SMG7: variants seen among roughly 807,000 people sequenced by gnomAD.
The protein encoded by SMG7 is nonsense-mediated mRNA decay factor SMG7.
In SMG7, 34 loss-of-function variants were observed where a neutral mutation model predicts 148.2. That is an observed-to-expected ratio of 0.23 (90% CI 0.17 to 0.31). The LOEUF (loss-of-function observed/expected upper bound fraction) is 0.31, where lower values mean the gene tolerates loss of function less well. Among genes scored for constraint, SMG7 ranks in the 10% least tolerant of loss-of-function variants. The pLI, the probability that SMG7 is intolerant of heterozygous loss-of-function variation, is 1.00. For missense variants in SMG7, 1,114 were observed against 1,408.4 expected, an observed-to-expected ratio of 0.79 and a Z score of 3.35; for synonymous variants, 492 against 515.1, an observed-to-expected ratio of 0.96 and a Z score of 0.61.
At position 183,553,208 on chromosome 1, in the gene SMG7, T is replaced by C. The variant is rs780571212; in HGVS notation, c.*1277T>C. On this transcript the variant is annotated 3_prime_UTR_variant, in exon 23 of 23. Transcript: ENST00000688051. ...ACGAAAGAAAGGAAAATAAACTCTT[T>C]GTATGATATTTATTAGGAGGAAAGA... is the stretch of plus-strand genomic sequence containing the variant. The C allele has an allele frequency of 1.9e-5, 29 of 1,529,682 alleles. No individual in the cohort carries two copies. The African/African-American group carries it at 2.1e-4, about 11-fold the overall frequency. 94.8% of individuals were successfully genotyped at this position (1,529,682 alleles called of 1,614,324 possible). A position where few individuals can be genotyped will look rare whatever the true frequency, so the allele number is the denominator to read the frequency against.
chr1:183,492,990 G>A (rs1657442697), intron 1 of SMG7, among the ~76,000 whole-genome samples: 1 of 151,972 alleles, frequency 6.6e-6, no homozygotes, highest in South Asian at 2.1e-4. Context: ...TGTTTTTAGA[G>A]ACACGATCTC....
chr1:183,552,842 T>G lies in SMG7; in HGVS notation c.*911T>G. ...AGGTAGAAGCTTTCAGTGTGGTTAT[T>G]TTTTCTTTGGTTGGTTTTTGTGCCC... On this transcript the variant is annotated 3_prime_UTR_variant, in exon 23 of 23. Coordinates refer to ENST00000688051, the MANE Select transcript of SMG7 (RefSeq NM_001375584.1). 7.0e-7 allele frequency: 1 copy of G among 1,433,500 alleles called. No individual in the cohort carries two copies. The highest frequency in any genetic ancestry group is 1.4e-5 in the African/African-American group (1 of 69,832). 88.8% of individuals were successfully genotyped at this position (1,433,500 alleles called of 1,614,324 possible).
chr1:183,518,959 A>G (rs1021868042), intron 4 of SMG7, among the ~76,000 whole-genome samples: 4 of 152,184 alleles, frequency 2.6e-5, no homozygotes, highest in African/African-American at 9.7e-5. Flanking sequence ...AAGAGAAAAG[A>G]ATCTCTGCTG....
chr1:183,523,975 A>G (rs765072068), intron 4 of SMG7, among the ~76,000 whole-genome samples: 1 of 149,348 alleles, frequency 6.7e-6, no homozygotes, highest in East Asian at 1.9e-4. Flanking sequence ...ACATATATAT[A>G]TTTTTTTTGT....
At chr1:183,518,183 A>G (rs775451669) in intron 4 of SMG7, among the ~76,000 whole-genome samples, 12 of 152,060 alleles carry the variant, frequency 7.9e-5, no homozygotes, top group Non-Finnish European at 1.3e-4. Context: ...CCTGGGCTCA[A>G]GTGATCCGCC....
chr1:183,514,356 T>C (rs1169133955), intron 2 of SMG7, among the ~76,000 whole-genome samples: 1 of 152,206 alleles, frequency 6.6e-6, no homozygotes, highest in African/African-American at 2.4e-5. Context: ...TCGTGTCATC[T>C]TGTTCAAGGA....
In SMG7 at chr1:183,526,154, A is replaced by T. The variant is rs998269982; in HGVS notation, c.313-442A>T. Among the ~76,000 whole-genome samples the T allele has an allele frequency of 1.9e-3, 139 of 73,400 alleles. 2 individuals carry two copies. In the East Asian group the frequency reaches 0.038, roughly 20 times the overall value. 48.2% of individuals were successfully genotyped at this position (73,400 alleles called of 152,430 possible). On this transcript the variant is annotated intron_variant, in intron 4 of 22. Coordinates refer to ENST00000688051, the MANE Select transcript of SMG7 (RefSeq NM_001375584.1). Reference sequence around the variant, plus strand: ...TAACGTATAATATATATATATATATATATTTTTTTTTTTGGAGACAGTCTT... The same window carrying T: ...TAACGTATAATATATATATATATATTTATTTTTTTTTTTGGAGACAGTCTT...
intron 3 of SMG7, 100 bp from the exon 4 acceptor site, chr1:183,517,588 T>C (rs748509324): frequency 9.2e-6 from 10 of 1,081,566 alleles, no homozygotes; most frequent in African/African-American, 6.2e-5. Context: ...CTGTCTCGTG[T>C]GGTATAATTA....
At chr1:183,509,065 G>T (rs541671632) in intron 1 of SMG7, among the ~76,000 whole-genome samples, 2 of 152,130 alleles carry the variant, frequency 1.3e-5, no homozygotes, top group Non-Finnish European at 2.9e-5. Context: ...TTTAGGGTTG[G>T]TGGGCCATGT....
At chr1:183,494,042 C>A (rs191587618) in intron 1 of SMG7, among the ~76,000 whole-genome samples, 143 of 152,210 alleles carry the variant, frequency 9.4e-4, no homozygotes, top group African/African-American at 2.6e-3. Context: ...GGCTGCAGTG[C>A]AGTGACACCA....
chr1:183,473,916 A>G, intron 1 of SMG7: 2 of 979,124 alleles, frequency 2.0e-6, no homozygotes, highest in Non-Finnish European at 1.2e-6. Flanking sequence ...GTTACCTGAT[A>G]CATAGGGTGG....
intron 1 of SMG7, among the ~76,000 whole-genome samples, chr1:183,497,503 G>A (rs1321159367): frequency 2.0e-5 from 3 of 152,206 alleles, no homozygotes; most frequent in African/African-American, 7.2e-5. Flanking sequence ...ATTGGGGGCA[G>A]TTAATAATGT....
Position 183,546,050 on chromosome 1 carries a change from C to T in SMG7, c.2455C>T (p.Pro819Ser). 2 of 1,614,028 alleles carry T rather than the reference C, an allele frequency of 1.2e-6. No homozygotes were observed. The highest frequency in any genetic ancestry group is 1.7e-6 in the Non-Finnish European group (2 of 1,179,978). ...AGGGAAAATTATGCCTGTGAAACAG[C>T]CCTACTACCTTCAGACCCAAGACCC... Reference protein sequence around the residue: ...PLGKIMPVKQPYYLQTQDPIK... With the variant: ...PLGKIMPVKQSYYLQTQDPIK... The change falls in exon 17 of 23, where the codon CCC becomes TCC. Residue 819 changes from proline (P) to serine (S), a missense_variant. Pro to Ser is a moderately conservative substitution (Grantham distance 74, BLOSUM62 -1). Transcript: ENST00000688051.
chr1:183,523,665 G>A (rs1665238012), intron 4 of SMG7, among the ~76,000 whole-genome samples: 1 of 152,092 alleles, frequency 6.6e-6, no homozygotes, highest in East Asian at 1.9e-4. Flanking sequence ...ACCAACTAGA[G>A]CTCTCTTTCT....
intron 22 of SMG7, among the ~76,000 whole-genome samples, chr1:183,551,573 T>C (rs1280922146): frequency 6.6e-6 from 1 of 152,254 alleles, no homozygotes; most frequent in Non-Finnish European, 1.5e-5. Context: ...CACATACAGC[T>C]GAGTTTCAGT....
At chr1:183,549,091 A>AG (rs1670490427) in intron 18 of SMG7, 117 bp from the exon 19 acceptor site, 1 of 713,194 alleles carries the variant, frequency 1.4e-6, no homozygotes, top group African/African-American at 1.8e-5. Flanking sequence ...TGAGCCTCAA[A>AG]TTGTACTCAG....
At chr1:183,489,943 G>T (rs1428220073) in intron 1 of SMG7, among the ~76,000 whole-genome samples, 1 of 152,220 alleles carries the variant, frequency 6.6e-6, no homozygotes, top group Non-Finnish European at 1.5e-5. Flanking sequence ...AGCATCATCA[G>T]CATCACCTGG....
intron 8 of SMG7, among the ~76,000 whole-genome samples, chr1:183,532,532 T>G (rs1421886318): frequency 6.6e-6 from 1 of 152,222 alleles, no homozygotes; most frequent in Admixed American, 6.5e-5. Flanking sequence ...TGATCACGCA[T>G]GTACTTCTCT....
rs1051073196 is a variant in SMG7, at chr1:183,542,931, G to A, written c.1842+429G>A. Among the ~76,000 whole-genome samples, 70 of 61,630 alleles carry A rather than the reference G, an allele frequency of 1.1e-3. 1 individual carries two copies. Among genetic ancestry groups the A allele is most frequent in the African/African-American group, 2.8e-3 (59 of 21,308 alleles). 40.4% of individuals were successfully genotyped at this position (61,630 alleles called of 152,430 possible). A position where few individuals can be genotyped will look rare whatever the true frequency, so the allele number is the denominator to read the frequency against. Reference sequence around the variant, plus strand: ...GATTCACTATAATATATATATATGTGTGTGTGTGTGTGTGTGTGTGTGTGT... The same window carrying A: ...GATTCACTATAATATATATATATGTATGTGTGTGTGTGTGTGTGTGTGTGT... On this transcript the variant is annotated intron_variant, in intron 14 of 22. Coordinates refer to ENST00000688051, the MANE Select transcript of SMG7 (RefSeq NM_001375584.1).
Sources: gnomAD v4.1 joint callset for allele counts (sites outside exome capture counted in the v4.1 genomes callset) on GRCh38, gnomAD v4.1.1 for gene constraint, MANE v1.5 for transcripts, NCBI Gene and HGNC (gene_info 2026-07-23, HGNC 2026-07-21) for gene names.